NKAIN2: variants seen among roughly 807,000 people sequenced by gnomAD.
The protein encoded by NKAIN2 is sodium/potassium transporting ATPase interacting 2.
Under a neutral mutation model 32.6 loss-of-function variants are expected in NKAIN2, and 14 were observed. That is an observed-to-expected ratio of 0.43 (90% CI 0.28 to 0.67). NKAIN2 has a LOEUF of 0.67. NKAIN2 is among the 30% of genes least tolerant of loss of function. The probability of loss-of-function intolerance (pLI) is 0.17; values close to 1 mark genes in which losing one functional copy is unlikely to be tolerated. For synonymous variants in NKAIN2, 80 were observed against 87.2 expected, an observed-to-expected ratio of 0.92 and a Z score of 0.46; for missense variants, 198 against 258.3, an observed-to-expected ratio of 0.77 and a Z score of 1.60.
Position 124,184,287 on chromosome 6 carries a change from A to C in NKAIN2, c.55-98718A>C, listed in dbSNP as rs141870553. Among the ~76,000 whole-genome samples, 1,350 of 151,934 alleles carry C rather than the reference A, an allele frequency of 8.9e-3. 16 individuals are homozygous for C. Among genetic ancestry groups the C allele is most frequent in the African/African-American group, 0.031 (1,278 of 41,434 alleles). ...AACTAGATGTTATCTCTACCTGGGA[A>C]CCTTGAAGATCTCAAGGGCTCCCAG... is the stretch of plus-strand genomic sequence containing the variant. On this transcript the variant is annotated intron_variant, in intron 1 of 6. Coordinates refer to ENST00000368417, the MANE Select transcript of NKAIN2 (RefSeq NM_001040214.3).
chr6:124,383,222 T>C (rs1772725376), intron 3 of NKAIN2, among the ~76,000 whole-genome samples: 1 of 152,114 alleles, frequency 6.6e-6, no homozygotes, highest in Non-Finnish European at 1.5e-5. Context: ...ATATCCATCC[T>C]CACAGTTGCT....
chr6:124,399,757 C>T (rs1052869766), intron 3 of NKAIN2, among the ~76,000 whole-genome samples: 5 of 152,094 alleles, frequency 3.3e-5, no homozygotes, highest in African/African-American at 1.2e-4. Context: ...GTATTAGGTA[C>T]AATTAATGGT....
At chr6:124,370,599 T>C (rs1470264183) in intron 3 of NKAIN2, among the ~76,000 whole-genome samples, 2 of 152,158 alleles carry the variant, frequency 1.3e-5, no homozygotes, top group Non-Finnish European at 2.9e-5. Context: ...ATCTTTCTTA[T>C]GTGTAAAAAC....
At chr6:124,818,646 A>G (rs1187968747) in intron 6 of NKAIN2, among the ~76,000 whole-genome samples, 178 bp downstream of exon 6, 1 of 151,954 alleles carries the variant, frequency 6.6e-6, no homozygotes, top group Non-Finnish European at 1.5e-5. Flanking sequence ...AATTTTTCTT[A>G]TTTGACTTAT....
At chr6:123,922,194 T>C (rs1266919743) in intron 1 of NKAIN2, among the ~76,000 whole-genome samples, 1 of 152,212 alleles carries the variant, frequency 6.6e-6, no homozygotes, top group African/African-American at 2.4e-5. Flanking sequence ...AGGCAACTTA[T>C]TTAAATAGTT....
At chr6:124,075,111 A>C (rs993526627) in intron 1 of NKAIN2, among the ~76,000 whole-genome samples, 2 of 152,186 alleles carry the variant, frequency 1.3e-5, no homozygotes, top group Non-Finnish European at 2.9e-5. Context: ...TGTGTTAACT[A>C]TCAGTGTTAA....
chr6:124,743,162 G>C (rs932381128), intron 4 of NKAIN2, among the ~76,000 whole-genome samples: 2 of 151,708 alleles, frequency 1.3e-5, no homozygotes, highest in African/African-American at 4.8e-5. Context: ...TCTGCCCCTC[G>C]CTTGCTGTGT....
At chr6:124,738,349 CTT>C (rs1344864807) in intron 4 of NKAIN2, among the ~76,000 whole-genome samples, 1 of 151,672 alleles carries the variant, frequency 6.6e-6, no homozygotes, top group East Asian at 1.9e-4. Context: ...ATAAAAATAA[CTT>C]TTAAAATAAT....
At chr6:123,876,612 C>G (rs1041442694) in intron 1 of NKAIN2, among the ~76,000 whole-genome samples, 2 of 152,160 alleles carry the variant, frequency 1.3e-5, no homozygotes, top group East Asian at 3.9e-4. Flanking sequence ...AGTCCAGTGC[C>G]AGTCTGAAGG....
At chr6:124,008,761 C>G (rs1780190844) in intron 1 of NKAIN2, among the ~76,000 whole-genome samples, 1 of 152,146 alleles carries the variant, frequency 6.6e-6, no homozygotes, top group Non-Finnish European at 1.5e-5. Flanking sequence ...AAAGGGCTGT[C>G]TTGGCGACAG....
rs569192892 is a variant in NKAIN2, at chr6:124,532,249, AC to A, written c.274-125936del. Among the ~76,000 whole-genome samples the A allele has an allele frequency of 1.0e-3, 154 of 152,284 alleles. 1 individual carries two copies. The South Asian group carries it at 0.015, about 14-fold the overall frequency. On this transcript the variant is annotated intron_variant, in intron 3 of 6. Transcript: ENST00000368417. ...GGGACAGACTTACAATGTGGAGTTA[AC>A]ACTGAAGCAAGCTAGGGAGGAAGGC...
At chr6:124,800,826 C>T (rs1355780678) in intron 5 of NKAIN2, among the ~76,000 whole-genome samples, 2 of 152,244 alleles carry the variant, frequency 1.3e-5, no homozygotes, top group Admixed American at 6.5e-5. Context: ...GGCAGTGTAA[C>T]ATTTGCATTT....
chr6:124,395,819 A>T (rs1198500717), intron 3 of NKAIN2, among the ~76,000 whole-genome samples: 1 of 152,132 alleles, frequency 6.6e-6, no homozygotes, highest in African/African-American at 2.4e-5. Flanking sequence ...AGGAAAATAG[A>T]TCTAGTATCA....
chr6:124,350,567 T>C (rs1798675841), intron 2 of NKAIN2, among the ~76,000 whole-genome samples: 1 of 152,158 alleles, frequency 6.6e-6, no homozygotes, highest in African/African-American at 2.4e-5. Flanking sequence ...AATTACCCTC[T>C]GTAGCACTAG....
rs554130672 is a variant in NKAIN2 at position 123,889,209 on chromosome 6, A to G, written c.54+84955A>G. On this transcript the variant is annotated intron_variant, in intron 1 of 6. Coordinates refer to ENST00000368417, the MANE Select transcript of NKAIN2 (RefSeq NM_001040214.3). ...GCAGCCCATGATAGTGCATTTCATC[A>G]TATTATTAGTTAGACTAAGTGCCTC... 4.0e-5 allele frequency among the ~76,000 whole-genome samples: 6 copies of G among 151,466 alleles called. No individual in the cohort carries two copies. The East Asian group carries it at 1.2e-3, about 29-fold the overall frequency.
At chr6:124,695,226 T>C (rs1446881719) in intron 4 of NKAIN2, among the ~76,000 whole-genome samples, 1 of 151,870 alleles carries the variant, frequency 6.6e-6, no homozygotes, top group East Asian at 1.9e-4. Flanking sequence ...GATGATACCT[T>C]GTGGTCCATC....
intron 1 of NKAIN2, among the ~76,000 whole-genome samples, chr6:123,976,368 T>C (rs1778613605): frequency 7.7e-5 from 1 of 13,050 alleles, no homozygotes; most frequent in Non-Finnish European, 1.6e-4. Context: ...TATATATATA[T>C]TCCCATATAT....
intron 1 of NKAIN2, among the ~76,000 whole-genome samples, chr6:124,127,191 A>G (rs1169902505): frequency 1.3e-5 from 2 of 152,180 alleles, no homozygotes; most frequent in Non-Finnish European, 2.9e-5. Flanking sequence ...TGAGCTGTGC[A>G]TTCATGGATG....
At chr6:123,911,812 T>TATATACACACAC (rs1331943561) in intron 1 of NKAIN2, among the ~76,000 whole-genome samples, 1 of 85,014 alleles carries the variant, frequency 1.2e-5, no homozygotes, top group African/African-American at 4.6e-5. Context: ...TATATATATA[T>TATATACACACAC]ACACACACAC....
Sources: allele counts gnomAD v4.1 joint callset (sites outside exome capture counted in the v4.1 genomes callset), GRCh38; gene constraint gnomAD v4.1.1; transcripts MANE v1.5; gene names NCBI Gene and HGNC (gene_info 2026-07-23, HGNC 2026-07-21).